DOCK11: variants seen among roughly 807,000 people sequenced by gnomAD.
DOCK11 encodes the protein dedicator of cytokinesis protein 11.
A neutral mutation model predicts 169.1 loss-of-function variants in DOCK11; 70 were observed. That is an observed-to-expected ratio of 0.41 (90% CI 0.34 to 0.51). The LOEUF (loss-of-function observed/expected upper bound fraction) is 0.51. Ranked by LOEUF, DOCK11 falls within the 20% of genes least tolerant of loss-of-function variation. The pLI, the probability that DOCK11 is intolerant of heterozygous loss-of-function variation, is 0.10. For missense variants in DOCK11, 1,166 were observed against 1,538.8 expected (o/e 0.76, Z 4.05); for synonymous variants, 529 against 541.3 (o/e 0.98, Z 0.32).
intron 38 of DOCK11, 61 bp downstream of exon 38, chrX:118,639,638 A>G: frequency 9.0e-7 from 1 of 1,114,238 alleles, no homozygotes; most frequent in Non-Finnish European, 1.2e-6. Context: ...TTTAAATAAT[A>G]AAAACTGAAG....
intron 26 of DOCK11, 32 bp downstream of exon 26, chrX:118,608,388 G>A (rs756678690): frequency 1.7e-6 from 2 of 1,165,170 alleles, no homozygotes; most frequent in South Asian, 4.0e-5. Context: ...AGGAACAAAA[G>A]CAGCCATAGA....
chrX:118,669,589 T>A (rs2016419851), intron 45 of DOCK11, among the ~76,000 whole-genome samples: 1 of 111,662 alleles, frequency 9.0e-6, no homozygotes. Flanking sequence ...TCTGCCCTCA[T>A]GACTTAGTCA....
At chrX:118,496,793 G>A (rs1442485681) in intron 1 of DOCK11, among the ~76,000 whole-genome samples, 1 of 111,598 alleles carries the variant, frequency 9.0e-6, no homozygotes, top group Non-Finnish European at 1.9e-5. Context: ...CAGAGGCAAG[G>A]GGACCAAGGG....
intron 1 of DOCK11, among the ~76,000 whole-genome samples, chrX:118,541,257 C>T (rs950936768): frequency 9.0e-6 from 1 of 111,621 alleles, no homozygotes; most frequent in African/African-American, 3.3e-5. Context: ...TTCTTTCCGC[C>T]CCCCGCTCCC....
rs1314730346 is a variant in DOCK11 at position 118,566,582 on chromosome X, A to G, written c.880A>G (p.Thr294Ala). ...TTTTAATGAATTTGCAGATGATGAA[A>G]CTAGCAGCCAAGGAAAAGCCGAGAA... ...ETVETAQDDE[T>A]SSQGKAENIM... The change falls in exon 9 of 53, where the codon ACT becomes GCT. Residue 294 changes from threonine to alanine, a missense_variant. Coordinates refer to ENST00000276202, the MANE Select transcript of DOCK11 (RefSeq NM_144658.4). The G allele has an allele frequency of 4.1e-6, 5 of 1,211,016 alleles. No individual in the cohort carries two copies. The highest frequency in any genetic ancestry group is 5.6e-6 in the Non-Finnish European group (5 of 894,986).
intron 20 of DOCK11, among the ~76,000 whole-genome samples, chrX:118,594,851 A>G (rs757833456): frequency 1.6e-4 from 18 of 110,647 alleles, no homozygotes; most frequent in Non-Finnish European, 3.4e-4. Flanking sequence ...TTGATAATGC[A>G]ACAATGGCAG....
At chrX:118,547,485 T>C (rs1185721573) in intron 6 of DOCK11, among the ~76,000 whole-genome samples, 1 of 112,322 alleles carries the variant, frequency 8.9e-6, no homozygotes, top group Non-Finnish European at 1.9e-5. Flanking sequence ...GAGAAACCAT[T>C]TATTAAGGAC....
At chrX:118,555,895 C>G (rs2012670280) in intron 6 of DOCK11, among the ~76,000 whole-genome samples, 1 of 111,268 alleles carries the variant, frequency 9.0e-6, no homozygotes, top group Non-Finnish European at 1.9e-5. Context: ...CCTACCTACT[C>G]TGCCTCTAAA....
chrX:118,671,261 T>TAATGAACC, intron 46 of DOCK11, 116 bp downstream of exon 46: 1 of 627,294 alleles, frequency 1.6e-6, no homozygotes, highest in Non-Finnish European at 2.3e-6. Flanking sequence ...GAATATAAGG[T>TAATGAACC]TCATTACATT....
chrX:118,512,828 G>C (rs1019621174), intron 1 of DOCK11, among the ~76,000 whole-genome samples: 2 of 111,756 alleles, frequency 1.8e-5, no homozygotes, highest in African/African-American at 6.5e-5. Context: ...AGAAAACGCT[G>C]CTTGACAGGA....
At chrX:118,552,834 T>C (rs1262334390) in intron 6 of DOCK11, among the ~76,000 whole-genome samples, 1 of 111,419 alleles carries the variant, frequency 9.0e-6, no homozygotes, top group Non-Finnish European at 1.9e-5. Context: ...GCTATGATTG[T>C]GCCACTGCAC....
At chrX:118,648,605 TA>T (rs747171067) in intron 40 of DOCK11, among the ~76,000 whole-genome samples, 1,297 of 93,508 alleles carry the variant, frequency 0.014, 23 homozygotes, top group African/African-American at 0.048. Context: ...TATAATATAT[TA>T]ATATATAATA....
rs200459787 is a variant in DOCK11 at position 118,674,155 on chromosome X, A to AT, written c.5200-1772dup. 3.7e-4 allele frequency among the ~76,000 whole-genome samples: 41 copies of AT among 110,358 alleles called. No homozygotes were observed. The South Asian group carries it at 6.2e-3, about 17-fold the overall frequency. On this transcript the variant is annotated intron_variant, in intron 46 of 52. Transcript: ENST00000276202. ...TGTCTGGCTTCTTTCAGTTAGCATA[A>AT]TTTTTTTTTAATTGAGACAGAATCT... is the stretch of plus-strand genomic sequence containing the variant.
chrX:118,611,175 T>C (rs2379626), intron 28 of DOCK11, among the ~76,000 whole-genome samples: 28,314 of 111,414 alleles, frequency 0.25, 2,624 homozygotes, highest in East Asian at 0.35. Flanking sequence ...ATTTACATTC[T>C]CACCAATAGG....
intron 1 of DOCK11, among the ~76,000 whole-genome samples, chrX:118,500,099 A>C (rs2057564498): frequency 9.6e-6 from 1 of 104,603 alleles, no homozygotes; most frequent in East Asian, 2.9e-4. Context: ...CCCAGACTGG[A>C]GTGCGGTGGC....
intron 31 of DOCK11, among the ~76,000 whole-genome samples, chrX:118,620,126 A>G (rs921445540): frequency 1.8e-5 from 2 of 111,238 alleles, no homozygotes; most frequent in Non-Finnish European, 3.8e-5. Context: ...TATTTACTGT[A>G]CTTTTAACAT....
chrX:118,681,316 G>A (rs1423010538), intron 50 of DOCK11, 68 bp downstream of exon 50: 45 of 993,546 alleles, frequency 4.5e-5, no homozygotes, highest in Non-Finnish European at 5.7e-5. Context: ...AGGGCACAGA[G>A]CAAGCATTAA....
chrX:118,661,077 C>T (rs1219363039), intron 44 of DOCK11, among the ~76,000 whole-genome samples: 2 of 109,056 alleles, frequency 1.8e-5, no homozygotes, highest in Non-Finnish European at 3.8e-5. Flanking sequence ...GCCGTGGTGG[C>T]TTGCACCAGT....
intron 1 of DOCK11, among the ~76,000 whole-genome samples, chrX:118,506,231 G>T (rs756884897): frequency 1.8e-5 from 2 of 108,379 alleles, no homozygotes; most frequent in African/African-American, 6.8e-5. Flanking sequence ...CTCCAGCTTG[G>T]GTGACAGACT....
Sources: gnomAD v4.1 joint callset for allele counts (sites outside exome capture counted in the v4.1 genomes callset) on GRCh38, gnomAD v4.1.1 for gene constraint, MANE v1.5 for transcripts, NCBI Gene and HGNC (gene_info 2026-07-23, HGNC 2026-07-21) for gene names.